Variants in EXO1 observed in about 807,000 individuals in gnomAD.
EXO1 encodes the protein exonuclease 1.
A neutral mutation model predicts 84.5 loss-of-function variants in EXO1; 69 were observed. The observed-to-expected ratio is 0.82, with a 90% CI of 0.67 to 1.00. The LOEUF (loss-of-function observed/expected upper bound fraction) is 1.00, where lower values mean the gene tolerates loss of function less well. Among genes scored for constraint, EXO1 ranks in the 50% least tolerant of loss-of-function variants. The pLI, the probability that EXO1 is intolerant of heterozygous loss-of-function variation, is 0.00. For synonymous variants in EXO1, 373 were observed against 366.1 expected, an observed-to-expected ratio of 1.02 and a Z score of -0.21; for missense variants, 1,045 against 1,000.7, an observed-to-expected ratio of 1.04 and a Z score of -0.60.
chr1:241,865,815 A>G (rs1661680962), intron 10 of EXO1, among the ~76,000 whole-genome samples: 2 of 152,232 alleles, frequency 1.3e-5, no homozygotes, highest in African/African-American at 2.4e-5. Context: ...GCCATGAGCC[A>G]TACTGATAAA....
chr1:241,850,290 A>AC (rs111865531), intron 3 of EXO1, 119 bp from the exon 4 acceptor site: 286,029 of 691,532 alleles, frequency 0.41, 43,024 homozygotes, highest in East Asian at 0.55. Flanking sequence ...AAAAAAAAAA[A>AC]AAAACAACAA....
chr1:241,874,342 A>G (rs1662274799), intron 12 of EXO1, among the ~76,000 whole-genome samples: 1 of 152,088 alleles, frequency 6.6e-6, no homozygotes, highest in Admixed American at 6.6e-5. Flanking sequence ...GTTGCAGTGA[A>G]CCATCATGCC....
intron 15 of EXO1, among the ~76,000 whole-genome samples, chr1:241,886,453 A>G (rs1205407243): frequency 2.0e-5 from 3 of 152,240 alleles, no homozygotes; most frequent in Non-Finnish European, 4.4e-5. Context: ...ATTATATGGA[A>G]TGATAGGATT....
At chr1:241,888,109 A>G (rs1663167311) in intron 15 of EXO1, among the ~76,000 whole-genome samples, 1 of 152,204 alleles carries the variant, frequency 6.6e-6, no homozygotes, top group Non-Finnish European at 1.5e-5. Context: ...GCGTGGTGGC[A>G]TGTGGCCGTA....
In EXO1 at chr1:241,879,125, C is replaced by T; in HGVS notation, c.1891C>T (p.Gln631Ter). 6.2e-7 allele frequency: 1 copy of T among 1,611,824 alleles called. No homozygotes were observed. The highest frequency in any genetic ancestry group is 8.5e-7 in the Non-Finnish European group (1 of 1,177,914). ...GAGCCCCTCTCCAAGCACAGCATTG[C>T]AGCAGTTCCGAAGAAAGAGCGATTC... ...TPSPSPSTAL[Q>*]QFRRKSDSPT... is the part of the protein sequence containing the mutation. The change falls in exon 13 of 16, where the codon CAG becomes TAG. Residue 631 changes from glutamine (Q) to a stop codon, truncating the protein, a stop_gained. Coordinates refer to ENST00000366548, the MANE Select transcript of EXO1 (RefSeq NM_130398.4). LOFTEE classifies it high-confidence loss of function.
intron 13 of EXO1, 101 bp from the exon 14 acceptor site, chr1:241,881,815 G>A: frequency 1.6e-6 from 1 of 640,076 alleles, no homozygotes; most frequent in Non-Finnish European, 2.8e-6. Context: ...TCTATCCCAT[G>A]TTCTTATTTA....
rs1328600622 is a variant in EXO1 at position 241,885,374 on chromosome 1, C to T, written c.2272C>T (p.Leu758=). Residue 758 remains leucine (L), a synonymous_variant, in exon 15 of 16, where the codon CTA becomes TTA. Transcript: ENST00000366548. ...DSLSTTKIKP[L]GPARASGLSK... is the part of the protein sequence containing the mutation. ...TCTTTCTACAACCAAGATCAAACCT[C>T]TAGGACCTGCCAGAGCCAGTGGGCT... 1.9e-6 allele frequency: 3 copies of T among 1,613,830 alleles called. No homozygotes were observed. The highest frequency in any genetic ancestry group is 2.7e-5 in the African/African-American group (2 of 74,892).
Position 241,852,277 on chromosome 1 carries a change from T to C in EXO1, c.162-15T>C, listed in dbSNP as rs760900282. The C allele has an allele frequency of 3.8e-6, 6 of 1,597,968 alleles. No individual in the cohort carries two copies. Among genetic ancestry groups the C allele is most frequent in the Middle Eastern group, 1.7e-4 (1 of 6,018 alleles). The stretch of plus-strand genomic sequence containing the variant: ...AGAAAGGTGAAGCACTGAATGTTTT[T>C]CTTTTTTTCCATAGGTATGTAGGAT... On this transcript the variant is annotated splice_polypyrimidine_tract_variant and intron_variant, in intron 4 of 15. Transcript: ENST00000366548.
chr1:241,889,719 A>G lies in EXO1; in HGVS notation c.*119A>G. 2 of 979,002 alleles carry G rather than the reference A, an allele frequency of 2.0e-6. No individual in the cohort carries two copies. Among genetic ancestry groups the G allele is most frequent in the South Asian group, 2.6e-5 (2 of 75,834 alleles). 60.6% of individuals were successfully genotyped at this position (979,002 alleles called of 1,614,324 possible). On this transcript the variant is annotated 3_prime_UTR_variant, in exon 16 of 16. Coordinates refer to ENST00000366548, the MANE Select transcript of EXO1 (RefSeq NM_130398.4). Reference sequence around the variant, plus strand: ...TTTCTCATTCTGTGCCATTTTAAAAATAGAATACATTTTGTATATTAACTT... The same window carrying G: ...TTTCTCATTCTGTGCCATTTTAAAAGTAGAATACATTTTGTATATTAACTT...
chr1:241,856,586 T>A (rs1483740099), intron 6 of EXO1, among the ~76,000 whole-genome samples: 1 of 152,044 alleles, frequency 6.6e-6, no homozygotes. Context: ...CTGGATATGG[T>A]CTATAATTTT....
intron 6 of EXO1, chr1:241,854,812 C>A: frequency 6.5e-6 from 1 of 154,956 alleles, no homozygotes; most frequent in South Asian, 2.0e-4. Flanking sequence ...GGTGGCGTGT[C>A]TGGAGTTTAT....
chr1:241,848,669 T>C lies in EXO1; in HGVS notation c.-419-62T>C, dbSNP rs1312761672. The C allele has an allele frequency of 9.9e-5, 15 of 152,212 alleles. No homozygotes were observed. Among genetic ancestry groups the C allele is most frequent in the Admixed American group, 8.5e-4 (13 of 15,274 alleles). The allele number at this position is 152,212 out of a possible 1,614,324, so 9.4% of individuals were successfully genotyped here. A position where few individuals can be genotyped will look rare whatever the true frequency, so the allele number is the denominator to read the frequency against. ...TTCCGCAGAAGCTGGCAGTCCAGGTTTTACATGCAATCTCTCCACCTTTAA... is the reference window on the plus strand; with the variant it reads ...TTCCGCAGAAGCTGGCAGTCCAGGTCTTACATGCAATCTCTCCACCTTTAA... On this transcript the variant is annotated intron_variant, in intron 1 of 15. Transcript: ENST00000366548. The surrounding 1 kb of genome is among the most constrained non-coding windows in gnomAD (Gnocchi z 4.2).
intron 15 of EXO1, 84 bp from the exon 16 acceptor site, chr1:241,889,381 C>T: frequency 2.5e-6 from 3 of 1,203,256 alleles, no homozygotes; most frequent in Non-Finnish European, 3.7e-6. Context: ...CTCTTCATGT[C>T]CCTCTATTTT....
At chr1:241,887,544 C>A (rs1327991189) in intron 15 of EXO1, among the ~76,000 whole-genome samples, 2 of 152,282 alleles carry the variant, frequency 1.3e-5, no homozygotes, top group South Asian at 2.1e-4. Flanking sequence ...TTTTAATTTT[C>A]ATTTGAAAGC....
At chr1:241,855,870 T>C (rs576170871) in intron 6 of EXO1, among the ~76,000 whole-genome samples, 127 of 152,334 alleles carry the variant, frequency 8.3e-4, no homozygotes, top group African/African-American at 2.9e-3. Context: ...CCGGCTGCTC[T>C]GAGTGCGGGG....
At chr1:241,857,154 T>G (rs556560595) in intron 6 of EXO1, among the ~76,000 whole-genome samples, 191 bp from the exon 7 acceptor site, 1 of 152,346 alleles carries the variant, frequency 6.6e-6, no homozygotes, top group Admixed American at 6.5e-5. Flanking sequence ...AAAAATGTCT[T>G]AATGGCTATA....
chr1:241,875,834 C>T (rs1307451445), intron 12 of EXO1, among the ~76,000 whole-genome samples: 3 of 152,272 alleles, frequency 2.0e-5, no homozygotes, highest in African/African-American at 2.4e-5. Flanking sequence ...GCCAAGATCA[C>T]GCCACTGCAC....
At chr1:241,878,680 C>A in intron 12 of EXO1, 69 bp from the exon 13 acceptor site, 1 of 889,370 alleles carries the variant, frequency 1.1e-6, no homozygotes, top group Non-Finnish European at 1.8e-6. Context: ...CATTTTGAAT[C>A]TTGACACCCC....
At chr1:241,889,401 GA>G in intron 15 of EXO1, 63 bp from the exon 16 acceptor site, 1 of 1,447,184 alleles carries the variant, frequency 6.9e-7, no homozygotes, top group Admixed American at 1.7e-5. Flanking sequence ...TGTCCAGGTA[GA>G]ATATTTCTTC....
Sources: allele counts gnomAD v4.1 joint callset (sites outside exome capture counted in the v4.1 genomes callset), GRCh38; gene constraint gnomAD v4.1.1; non-coding constraint Gnocchi (gnomAD v3.1); transcripts MANE v1.5; gene names NCBI Gene and HGNC (gene_info 2026-07-23, HGNC 2026-07-21).